The following ARPP19 variants were observed in gnomAD, a reference collection of about 807,000 sequenced individuals.
ARPP19 encodes the protein cAMP regulated phosphoprotein 19.
ARPP19 carries 8 observed loss-of-function variants against 12.0 expected under a neutral mutation model. The ratio of observed to expected loss-of-function variants is 0.67; its 90% CI spans 0.39 to 1.21. The LOEUF (loss-of-function observed/expected upper bound fraction) is 1.21, where lower values mean the gene tolerates loss of function less well. Ranked by LOEUF, ARPP19 falls within the 50% of genes most tolerant of loss-of-function variation. The pLI, the probability that ARPP19 is intolerant of heterozygous loss-of-function variation, is 0.01. For synonymous variants in ARPP19, 47 were observed against 50.4 expected (o/e 0.93, Z 0.29); for missense variants, 102 against 136.3 (o/e 0.75, Z 1.25).
chr15:52,556,998 T>C, intron 2 of ARPP19, 102 bp downstream of exon 2: 1 of 1,286,964 alleles, frequency 7.8e-7, no homozygotes, highest in Middle Eastern at 2.8e-4. Context: ...TGTACATACC[T>C]GATAAAGTAC....
At chr15:52,562,022 C>G (rs2078038197) in intron 1 of ARPP19, among the ~76,000 whole-genome samples, 2 of 151,052 alleles carry the variant, frequency 1.3e-5, no homozygotes, top group African/African-American at 4.9e-5. Flanking sequence ...AAGCAATCCT[C>G]CTGCCTTGGC....
At chr15:52,565,706 G>A (rs1387090844) in intron 1 of ARPP19, among the ~76,000 whole-genome samples, 3 of 152,182 alleles carry the variant, frequency 2.0e-5, no homozygotes, top group Admixed American at 2.0e-4. Context: ...GCCTAGGGGA[G>A]TGTTTACTTG....
At chr15:52,552,355 A>G (rs1373666359) in intron 2 of ARPP19, among the ~76,000 whole-genome samples, 3 of 152,052 alleles carry the variant, frequency 2.0e-5, no homozygotes, top group Non-Finnish European at 4.4e-5. Flanking sequence ...GAAACACTTA[A>G]GGTCAGGAGT....
chr15:52,562,127 G>A (rs2078039242), intron 1 of ARPP19, among the ~76,000 whole-genome samples: 1 of 151,972 alleles, frequency 6.6e-6, no homozygotes, highest in African/African-American at 2.4e-5. Context: ...ACTATAGGGA[G>A]CAACTGACAA....
In ARPP19 at chr15:52,547,838, T is replaced by C. The variant is rs1192367324; in HGVS notation, c.*4096A>G. ...AAATTGTGGCATATTGAAAACGATA[T>C]TAAGGAACAATGACTCATTAGCCCT... On this transcript the variant is annotated 3_prime_UTR_variant, in exon 3 of 3. Transcript: ENST00000249822. The C allele has an allele frequency of 6.6e-6, 1 of 152,184 alleles. No homozygotes were observed. The highest frequency in any genetic ancestry group is 1.9e-4 in the East Asian group (1 of 5,196). 9.4% of individuals were successfully genotyped at this position (152,184 alleles called of 1,614,324 possible).
chr15:52,563,757 CAT>C (rs1452628957), intron 1 of ARPP19, among the ~76,000 whole-genome samples: 1 of 152,194 alleles, frequency 6.6e-6, no homozygotes, highest in Non-Finnish European at 1.5e-5. Flanking sequence ...TGCTCAGCAA[CAT>C]GTTGACTGAT....
In ARPP19 at chr15:52,548,838, A is replaced by G. The variant is rs1436496810; in HGVS notation, c.*3096T>C. On this transcript the variant is annotated 3_prime_UTR_variant, in exon 3 of 3. Transcript: ENST00000249822. ...TAGTAAAAAGTATCCATAAATATTCAGAGGTATAGTTTTGTTTCATCAAGT... is the reference window on the plus strand; with the variant it reads ...TAGTAAAAAGTATCCATAAATATTCGGAGGTATAGTTTTGTTTCATCAAGT... 3 of 152,654 alleles carry G rather than the reference A, an allele frequency of 2.0e-5. No homozygotes were observed. The highest frequency in any genetic ancestry group is 4.4e-5 in the Non-Finnish European group (3 of 68,048). The allele number at this position is 152,654 out of a possible 1,614,324, so 9.5% of individuals were successfully genotyped here. A position where few individuals can be genotyped will look rare whatever the true frequency, so the allele number is the denominator to read the frequency against.
Position 52,557,200 on chromosome 15 carries a change from C to A in ARPP19, c.68G>T (p.Ser23Ile). The change falls in exon 2 of 3, where the codon AGT (serine) becomes ATT (isoleucine). Residue 23 changes from serine (S) to isoleucine (I), a missense_variant. By Grantham distance (142) the Ser-to-Ile change is moderately radical (BLOSUM62 -2). Transcript: ENST00000249822. The stretch of plus-strand genomic sequence containing the variant: ...TTTTGCTTCTTCTGCTTTCTCTGGA[C>A]TAGTCACTTTATCTTCCATTTCCTA... Reference protein sequence around the residue: ...EQKEMEDKVTSPEKAEEAKLK... With the variant: ...EQKEMEDKVTIPEKAEEAKLK... The A allele has an allele frequency of 6.2e-7, 1 of 1,605,550 alleles. No homozygotes were observed. The highest frequency in any genetic ancestry group is 1.3e-5 in the African/African-American group (1 of 74,816).
At chr15:52,567,822 A>G (rs2078098565) in intron 1 of ARPP19, among the ~76,000 whole-genome samples, 1 of 152,170 alleles carries the variant, frequency 6.6e-6, no homozygotes, top group Admixed American at 6.5e-5. Context: ...TTCCCAACTT[A>G]ATTAGGACAT....
In ARPP19 at chr15:52,562,820, A is replaced by G. The variant is rs150457505; in HGVS notation, c.46-5598T>C. 1.8e-3 allele frequency among the ~76,000 whole-genome samples: 267 copies of G among 151,984 alleles called. 3 individuals carry two copies. In the East Asian group the frequency reaches 0.034, roughly 19 times the overall value. ...AAGCAGAAATTAATGAAAAAGATAC[A>G]ATAGAAAGGGCCAACAAAGGGGGTG... is the stretch of plus-strand genomic sequence containing the variant. On this transcript the variant is annotated intron_variant, in intron 1 of 2. Transcript: ENST00000249822.
intron 1 of ARPP19, among the ~76,000 whole-genome samples, chr15:52,562,437 C>T (rs979270683): frequency 1.3e-5 from 2 of 151,786 alleles, no homozygotes; most frequent in African/African-American, 2.4e-5. Context: ...AAAGAAAGCA[C>T]GAGTATTTAA....
intron 1 of ARPP19, chr15:52,557,869 GC>G (rs1164186484): frequency 6.6e-6 from 1 of 151,946 alleles, no homozygotes; most frequent in Admixed American, 6.6e-5. Context: ...GACCCACCAT[GC>G]CTGGCCCATC....
In ARPP19 at chr15:52,552,010, G is replaced by A. The variant is rs1326065605; in HGVS notation, c.263C>T (p.Thr88Ile). The A allele has an allele frequency of 6.2e-7, 1 of 1,611,752 alleles. No homozygotes were observed. The highest frequency in any genetic ancestry group is 1.3e-5 in the African/African-American group (1 of 74,886). Residue 88 changes from threonine to isoleucine, a missense_variant, in exon 3 of 3, where the codon ACT (threonine) becomes ATT (isoleucine). By Grantham distance (89) the Thr-to-Ile change is moderately conservative. Transcript: ENST00000249822. Reference protein sequence around the residue: ...PTAAPDKTEVTGDHIPTPQDL... With the variant: ...PTAAPDKTEVIGDHIPTPQDL... ...TTGCGGAGTGGGAATGTGGTCACCA[G>A]TGACCTCCGTCTTATCCGGAGCTGC...
At chr15:52,554,322 A>C (rs1165350949) in intron 2 of ARPP19, among the ~76,000 whole-genome samples, 2 of 152,152 alleles carry the variant, frequency 1.3e-5, no homozygotes, top group South Asian at 4.1e-4. Context: ...ATAAAACTAA[A>C]ATCAATGCCT....
rs1284973987 is a variant in ARPP19 at position 52,548,460 on chromosome 15, C to G, written c.*3474G>C. ...CAAGATCGCACCACTGCACTCCAGCCTGGGCAAGAGTGAGACTCCATCTCA... is the reference window on the plus strand; with the variant it reads ...CAAGATCGCACCACTGCACTCCAGCGTGGGCAAGAGTGAGACTCCATCTCA... On this transcript the variant is annotated 3_prime_UTR_variant, in exon 3 of 3. Transcript: ENST00000249822. 2.0e-5 allele frequency: 3 copies of G among 151,640 alleles called. No homozygotes were observed. Among genetic ancestry groups the G allele is most frequent in the African/African-American group, 7.3e-5 (3 of 41,172 alleles). 9.4% of individuals were successfully genotyped at this position (151,640 alleles called of 1,614,324 possible).
chr15:52,564,937 T>C (rs1435531576), intron 1 of ARPP19, among the ~76,000 whole-genome samples: 5 of 152,168 alleles, frequency 3.3e-5, no homozygotes, highest in Admixed American at 3.3e-4. Flanking sequence ...TCAACCATTT[T>C]GTAAATAATG....
rs2077929412 is a variant in ARPP19, at chr15:52,551,395, T to C, written c.*539A>G. ...AAATATTGCCCAAGTAAAATTCTAC[T>C]GTTAAAGCTGAAACAGGTTTAAGGC... On this transcript the variant is annotated 3_prime_UTR_variant, in exon 3 of 3. Coordinates refer to ENST00000249822, the MANE Select transcript of ARPP19 (RefSeq NM_006628.6). 6.5e-6 allele frequency: 1 copy of C among 152,714 alleles called. No individual in the cohort carries two copies. The highest frequency in any genetic ancestry group is 2.4e-5 in the African/African-American group (1 of 41,460). The allele number at this position is 152,714 out of a possible 1,614,324, so 9.5% of individuals were successfully genotyped here. A position where few individuals can be genotyped will look rare whatever the true frequency, so the allele number is the denominator to read the frequency against.
intron 2 of ARPP19, among the ~76,000 whole-genome samples, chr15:52,555,045 CAG>C (rs1265137882): frequency 6.6e-5 from 10 of 151,964 alleles, no homozygotes. Flanking sequence ...ACCTGTGATC[CAG>C]AGTTTTAAAA....
chr15:52,565,050 T>G (rs2078068834), intron 1 of ARPP19, among the ~76,000 whole-genome samples: 1 of 151,646 alleles, frequency 6.6e-6, no homozygotes, highest in Admixed American at 6.6e-5. Flanking sequence ...TTTTTTTTTT[T>G]TTTTTTGAGA....
Sources: allele counts gnomAD v4.1 joint callset (sites outside exome capture counted in the v4.1 genomes callset), GRCh38; gene constraint gnomAD v4.1.1; transcripts MANE v1.5; gene names NCBI Gene and HGNC (gene_info 2026-07-23, HGNC 2026-07-21).